Variants in MYO18A observed in about 807,000 individuals in gnomAD.
MYO18A encodes the protein myosin XVIIIA.
In MYO18A, 78 loss-of-function variants were observed where a neutral mutation model predicts 235.8. The ratio of observed to expected loss-of-function variants is 0.33; its 90% CI spans 0.28 to 0.40. The LOEUF (loss-of-function observed/expected upper bound fraction) is 0.40. Among genes scored for constraint, MYO18A ranks in the 10% least tolerant of loss-of-function variants. The probability of loss-of-function intolerance (pLI) is 1.00; values close to 1 mark genes in which losing one functional copy is unlikely to be tolerated. For synonymous variants in MYO18A, 977 were observed against 1,077.8 expected, an observed-to-expected ratio of 0.91 and a Z score of 1.83; for missense variants, 2,215 against 2,699.3, an observed-to-expected ratio of 0.82 and a Z score of 3.98.
chr17:29,106,308 G>C lies in MYO18A; in HGVS notation c.3441+772C>G, dbSNP rs1363773202. Among the ~76,000 whole-genome samples, 16 of 152,168 alleles carry C rather than the reference G, an allele frequency of 1.1e-4. No individual in the cohort carries two copies. The highest frequency in any genetic ancestry group is 8.5e-4 in the Admixed American group (13 of 15,282). ...GGCCACCAGCAGGCCAAAGGATGGA[G>C]GGAAGTTCTTCCGAGCCCCCTCCAT... On this transcript the variant is annotated intron_variant, in intron 20 of 41. Coordinates refer to ENST00000527372, the MANE Select transcript of MYO18A (RefSeq NM_078471.4). This position sits in a 1 kb window ranked among gnomAD's most constrained non-coding sequence, Gnocchi z 4.6.
rs1598274526 is a variant in MYO18A, at chr17:29,085,790, G to T, written c.5853-142C>A. ...CTGGCTGGTTGAGACCAGGTAGTGG[G>T]ATGCGTGATGGCACTGTCCTCAAAA... is the stretch of plus-strand genomic sequence containing the variant. On this transcript the variant is annotated intron_variant, in intron 39 of 41. Transcript: ENST00000527372. The T allele has an allele frequency of 7.9e-6, 6 of 754,762 alleles. No homozygotes were observed. In the East Asian group the frequency reaches 1.1e-4, roughly 13 times the overall value. 46.8% of individuals were successfully genotyped at this position (754,762 alleles called of 1,614,324 possible).
At chr17:29,124,083 A>G (rs1302097005) in intron 2 of MYO18A, among the ~76,000 whole-genome samples, 4 of 152,040 alleles carry the variant, frequency 2.6e-5, no homozygotes. Context: ...TTGTATATAT[A>G]TATTTTTTCT....
intron 2 of MYO18A, among the ~76,000 whole-genome samples, chr17:29,142,178 C>T (rs549108841): frequency 1.3e-5 from 2 of 152,186 alleles, no homozygotes; most frequent in African/African-American, 2.4e-5. Flanking sequence ...GTGATCCGCC[C>T]GCCTTGGCCT....
In MYO18A at chr17:29,140,747, C is replaced by T. The variant is rs114825500; in HGVS notation, c.1000-18494G>A. The stretch of plus-strand genomic sequence containing the variant: ...GAATTTGAGACCTGCAGCCCCCGGC[C>T]CCACAGGCCAAGCTTGAGACAAGCA... On this transcript the variant is annotated intron_variant, in intron 2 of 41. Coordinates refer to ENST00000527372, the MANE Select transcript of MYO18A (RefSeq NM_078471.4). The surrounding 1 kb of genome is among the most constrained non-coding windows in gnomAD (Gnocchi z 4.2). Among the ~76,000 whole-genome samples the T allele has an allele frequency of 0.016, 2,364 of 152,214 alleles. 75 individuals are homozygous for T. The highest frequency in any genetic ancestry group is 0.054 in the African/African-American group (2,226 of 41,508).
rs1303046902 is a variant in MYO18A, at chr17:29,166,153, G to C, written c.788C>G (p.Thr263Ser). 1.9e-6 allele frequency: 3 copies of C among 1,612,968 alleles called. No homozygotes were observed. The African/African-American group carries it at 4.0e-5, about 22-fold the overall frequency. Reference sequence around the variant, plus strand: ...CACCAGCCCCAGGGCCAGGTCCTTGGTGCCTGCACCAGGCTCAGCAAAGTG... The same window carrying C: ...CACCAGCCCCAGGGCCAGGTCCTTGCTGCCTGCACCAGGCTCAGCAAAGTG... ...VVHFAEPGAG[T>S]KDLALGLVPG... Residue 263 changes from threonine to serine, a missense_variant, in exon 2 of 42, where the codon ACC becomes AGC. Thr to Ser is a moderately conservative substitution (Grantham distance 58, BLOSUM62 1). Transcript: ENST00000527372.
chr17:29,085,808 C>T (rs1225627147), intron 39 of MYO18A, among the ~76,000 whole-genome samples, 160 bp from the exon 40 acceptor site: 2 of 152,210 alleles, frequency 1.3e-5, no homozygotes, highest in South Asian at 4.1e-4. Context: ...ATGGCACTGT[C>T]CTCAAAATCT....
At chr17:29,099,611 G>A (rs762707289) in intron 22 of MYO18A, 23 bp downstream of exon 22, 3 of 1,608,098 alleles carry the variant, frequency 1.9e-6, no homozygotes, top group South Asian at 2.2e-5. Context: ...TGGGGAGGGG[G>A]AGGGATGTCT....
At chr17:29,146,988 C>T (rs1312031418) in intron 2 of MYO18A, among the ~76,000 whole-genome samples, 1 of 152,208 alleles carries the variant, frequency 6.6e-6, no homozygotes, top group South Asian at 2.1e-4. Context: ...TACTGGTTTT[C>T]CTCTCAAAAC....
At chr17:29,108,745 T>C (rs2066854384) in intron 19 of MYO18A, among the ~76,000 whole-genome samples, 1 of 152,160 alleles carries the variant, frequency 6.6e-6, no homozygotes, top group Non-Finnish European at 1.5e-5. Flanking sequence ...GTATCTGAAT[T>C]GCAATTAAAT....
At chr17:29,105,555 C>T (rs2066763157) in intron 20 of MYO18A, among the ~76,000 whole-genome samples, 1 of 152,170 alleles carries the variant, frequency 6.6e-6, no homozygotes, top group South Asian at 2.1e-4. Flanking sequence ...GGGACCCTCC[C>T]CACCAAGACA....
chr17:29,160,894 A>G (rs890468055), intron 2 of MYO18A, among the ~76,000 whole-genome samples: 4 of 151,786 alleles, frequency 2.6e-5, no homozygotes, highest in African/African-American at 9.7e-5. Flanking sequence ...TTCCTTTAAG[A>G]CCCCCTCTCC....
intron 41 of MYO18A, chr17:29,079,911 C>A (rs888523276): frequency 3.0e-6 from 3 of 985,910 alleles, no homozygotes; most frequent in Non-Finnish European, 3.6e-6. Flanking sequence ...TGGATGACGA[C>A]GAGGAGGACT....
intron 27 of MYO18A, 52 bp downstream of exon 27, chr17:29,097,171 A>G: frequency 6.3e-7 from 1 of 1,595,988 alleles, no homozygotes; most frequent in Non-Finnish European, 8.5e-7. Flanking sequence ...ACAAGGCACC[A>G]GTCCTCTCCT....
chr17:29,111,822 G>C lies in MYO18A; in HGVS notation c.2640C>G (p.Leu880=). 6.2e-7 allele frequency: 1 copy of C among 1,613,830 alleles called. No individual in the cohort carries two copies. Among genetic ancestry groups the C allele is most frequent in the South Asian group, 1.1e-5 (1 of 91,078 alleles). Residue 880 remains leucine, a synonymous_variant, in exon 16 of 42, where the codon CTC becomes CTG. Coordinates refer to ENST00000527372, the MANE Select transcript of MYO18A (RefSeq NM_078471.4). The surrounding 1 kb of genome is among the most constrained non-coding windows in gnomAD (Gnocchi z 5.1). Reference sequence around the variant, plus strand: ...CCAGAGCCTCCTCTTCCAATAGCCAGAGCAGGCCCCTCGCCTCGTCTGTGC... The same window carrying C: ...CCAGAGCCTCCTCTTCCAATAGCCACAGCAGGCCCCTCGCCTCGTCTGTGC... The part of the protein sequence containing the change: ...LARTDEARGL[L]WLLEEEALVP...
chr17:29,089,550 C>T (rs926330575), intron 37 of MYO18A, among the ~76,000 whole-genome samples: 5 of 147,876 alleles, frequency 3.4e-5, no homozygotes, highest in African/African-American at 1.3e-4. Flanking sequence ...GGGAATGAAG[C>T]AGGGAAGGGG....
At position 29,126,299 on chromosome 17, in the gene MYO18A, AGGAGGAGGGACGGGGAGGAGGGACGG is replaced by A. The variant is rs202025668; in HGVS notation, c.1000-4072_1000-4047del. On this transcript the variant is annotated intron_variant, in intron 2 of 41. Coordinates refer to ENST00000527372, the MANE Select transcript of MYO18A (RefSeq NM_078471.4). The surrounding 1 kb of genome is among the most constrained non-coding windows in gnomAD (Gnocchi z 4.1). ...CAGCTCCCATCTCCTCCCTTGTGAG[AGGAGGAGGGACGGGGAGGAGGGACGG>A]GGAGGAGGGAGGGGAGGGCAGCCGC... Among the ~76,000 whole-genome samples, 2 of 147,478 alleles carry A rather than the reference AGGAGGAGGGACGGGGAGGAGGGACGG, an allele frequency of 1.4e-5. No individual in the cohort carries two copies. Among genetic ancestry groups the A allele is most frequent in the Admixed American group, 6.7e-5 (1 of 14,898 alleles).
At position 29,110,616 on chromosome 17, in the gene MYO18A, G is replaced by A. The variant is rs1422945135; in HGVS notation, c.2907C>T (p.Ile969=). The part of the protein sequence containing the change: ...PRLLQDSQKK[I]ISNLFLGRAG... ...CGCGGCCCAGAAACAGGTTGCTGAT[G>A]ATTTTTCTGCCAGAGGTGGGAGGAT... The change falls in exon 18 of 42, where the codon ATC becomes ATT. Residue 969 remains isoleucine, a synonymous_variant. Coordinates refer to ENST00000527372, the MANE Select transcript of MYO18A (RefSeq NM_078471.4). 6.2e-7 allele frequency: 1 copy of A among 1,602,602 alleles called. No individual in the cohort carries two copies. Among genetic ancestry groups the A allele is most frequent in the South Asian group, 1.1e-5 (1 of 90,408 alleles).
intron 22 of MYO18A, among the ~76,000 whole-genome samples, chr17:29,099,175 G>T (rs2066596093): frequency 6.6e-6 from 1 of 152,162 alleles, no homozygotes; most frequent in South Asian, 2.1e-4. Context: ...AGCCCTGGGA[G>T]CACTGCGCTG....
At chr17:29,079,649 C>A (rs879932757) in intron 41 of MYO18A, 5 of 930,430 alleles carry the variant, frequency 5.4e-6, no homozygotes, top group South Asian at 4.9e-5. Flanking sequence ...CCTAAGGTGG[C>A]GGCCTGAGGG....
Sources: allele counts gnomAD v4.1 joint callset (sites outside exome capture counted in the v4.1 genomes callset), GRCh38; gene constraint gnomAD v4.1.1; non-coding constraint Gnocchi (gnomAD v3.1); transcripts MANE v1.5; gene names NCBI Gene and HGNC (gene_info 2026-07-23, HGNC 2026-07-21).